NOL4: variants seen among roughly 807,000 people sequenced by gnomAD.
The protein encoded by NOL4 is nucleolar protein 4.
In NOL4, 17 loss-of-function variants were observed where a neutral mutation model predicts 75.9. The observed-to-expected ratio is 0.22, with a 90% CI of 0.15 to 0.34. The LOEUF is 0.34. NOL4 is among the 10% of genes least tolerant of loss of function. The pLI is 1.00. For missense variants in NOL4, 614 were observed against 793.5 expected (o/e 0.77, Z 2.72); for synonymous variants, 292 against 289.9 (o/e 1.01, Z -0.07).
intron 9 of NOL4, among the ~76,000 whole-genome samples, chr18:33,896,102 A>G (rs2065387999): frequency 6.6e-6 from 1 of 152,144 alleles, no homozygotes; most frequent in South Asian, 2.1e-4. Context: ...GAGGGAGGTG[A>G]AAAATCTCTA....
intron 1 of NOL4, among the ~76,000 whole-genome samples, chr18:34,202,373 T>C (rs1411516763): frequency 6.6e-6 from 1 of 151,964 alleles, no homozygotes; most frequent in Admixed American, 6.6e-5. Context: ...TAATCTATCA[T>C]TTTCACATCA....
intron 10 of NOL4, among the ~76,000 whole-genome samples, chr18:33,854,894 T>A (rs1226023284): frequency 6.6e-6 from 1 of 152,012 alleles, no homozygotes; most frequent in African/African-American, 2.4e-5. Flanking sequence ...CGGCAGTTTT[T>A]GAATTACACC....
chr18:34,024,194 A>AAAATATATATATATATAT, intron 5 of NOL4, among the ~76,000 whole-genome samples: 12 of 70,690 alleles, frequency 1.7e-4, no homozygotes, highest in Admixed American at 5.4e-4. Flanking sequence ...AAAAAAAAAA[A>AAAATATATATATATATAT]ATATATATAT....
chr18:34,033,828 TCC>T lies in NOL4; in HGVS notation c.773-14229_773-14228del, dbSNP rs146645973. The stretch of plus-strand genomic sequence containing the variant: ...CATGTAGTCACCTATAAAGGAACAC[TCC>T]ATTAGACTAATAGAATTCTCAGCAG... On this transcript the variant is annotated intron_variant, in intron 5 of 10. Transcript: ENST00000261592. Among the ~76,000 whole-genome samples, 542 of 151,934 alleles carry T rather than the reference TCC, an allele frequency of 3.6e-3. 3 individuals carry two copies. The highest frequency in any genetic ancestry group is 0.013 in the African/African-American group (523 of 41,446).
chr18:34,081,098 A>T (rs1428665420), intron 5 of NOL4, among the ~76,000 whole-genome samples: 1 of 152,200 alleles, frequency 6.6e-6, no homozygotes, highest in Non-Finnish European at 1.5e-5. Context: ...CAATTGTTAG[A>T]CAGAAAATAT....
rs546252782 is a variant in NOL4 at position 33,881,465 on chromosome 18, C to T, written c.1723+1779G>A. 6.6e-5 allele frequency among the ~76,000 whole-genome samples: 10 copies of T among 151,790 alleles called. No homozygotes were observed. In the East Asian group the frequency reaches 1.9e-3, roughly 30 times the overall value. ...TGCCAGTTTTCAAAGGGAATGCTTC[C>T]AGTTTTTGCCCATTCAGTATGATAT... On this transcript the variant is annotated intron_variant, in intron 10 of 10. Coordinates refer to ENST00000261592, the MANE Select transcript of NOL4 (RefSeq NM_003787.5).
In NOL4 at chr18:33,903,398, G is replaced by T. The variant is rs141393590; in HGVS notation, c.1543-19974C>A. On this transcript the variant is annotated intron_variant, in intron 9 of 10. Coordinates refer to ENST00000261592, the MANE Select transcript of NOL4 (RefSeq NM_003787.5). ...TTACAATTCAAGATGAAATTTGAGT[G>T]GGGACAGAGAACCAAACCATATCAA... 3.7e-3 allele frequency among the ~76,000 whole-genome samples: 559 copies of T among 152,248 alleles called. 4 individuals carry two copies. The highest frequency in any genetic ancestry group is 0.013 in the African/African-American group (535 of 41,552).
chr18:33,900,519 C>T (rs1048457808), intron 9 of NOL4, among the ~76,000 whole-genome samples: 5 of 152,062 alleles, frequency 3.3e-5, no homozygotes, highest in Non-Finnish European at 5.9e-5. Flanking sequence ...TATATAGCAC[C>T]AACTAATCTG....
intron 5 of NOL4, among the ~76,000 whole-genome samples, chr18:34,087,216 T>C (rs2078283153): frequency 6.6e-6 from 1 of 152,142 alleles, no homozygotes; most frequent in Non-Finnish European, 1.5e-5. Flanking sequence ...ATTCCCAATG[T>C]AGGAGTTTCA....
At chr18:34,053,179 A>G (rs1423906571) in intron 5 of NOL4, among the ~76,000 whole-genome samples, 4 of 152,092 alleles carry the variant, frequency 2.6e-5, no homozygotes, top group Non-Finnish European at 4.4e-5. Flanking sequence ...CAATGATGTA[A>G]GTAGTCAAGA....
intron 1 of NOL4, among the ~76,000 whole-genome samples, chr18:34,209,850 G>C (rs1313082800): frequency 6.6e-6 from 1 of 152,098 alleles, no homozygotes; most frequent in East Asian, 1.9e-4. Flanking sequence ...AGTATTTAAG[G>C]GTTCTCAGGC....
At chr18:34,096,204 A>T (rs1044725658) in intron 4 of NOL4, among the ~76,000 whole-genome samples, 23 of 152,046 alleles carry the variant, frequency 1.5e-4, no homozygotes, top group East Asian at 1.3e-3. Flanking sequence ...TTTTGTAATT[A>T]AAAAAACCAT....
At chr18:34,110,057 A>AAATT (rs946079013) in intron 2 of NOL4, among the ~76,000 whole-genome samples, 8 of 142,336 alleles carry the variant, frequency 5.6e-5, no homozygotes, top group Non-Finnish European at 1.5e-5. Context: ...CTTCACTGGT[A>AAATT]AATTCTACCA....
chr18:33,898,313 T>C (rs1010422987), intron 9 of NOL4, among the ~76,000 whole-genome samples: 1 of 152,186 alleles, frequency 6.6e-6, no homozygotes, highest in African/African-American at 2.4e-5. Context: ...ACATGGCAGA[T>C]ATGGTTTCAG....
chr18:34,188,390 G>T (rs1282536697), intron 1 of NOL4, among the ~76,000 whole-genome samples: 1 of 152,154 alleles, frequency 6.6e-6, no homozygotes, highest in Non-Finnish European at 1.5e-5. Flanking sequence ...ATATATTGCA[G>T]ATATTCCTCA....
At chr18:33,920,944 G>A (rs2145268156) in intron 9 of NOL4, among the ~76,000 whole-genome samples, 1 of 152,208 alleles carries the variant, frequency 6.6e-6, no homozygotes, top group East Asian at 1.9e-4. Context: ...CTGGCCAAGA[G>A]GAAGGTGCAG....
At chr18:34,197,420 C>T (rs949914671) in intron 1 of NOL4, among the ~76,000 whole-genome samples, 1 of 152,058 alleles carries the variant, frequency 6.6e-6, no homozygotes, top group African/African-American at 2.4e-5. Context: ...GATGTATAGG[C>T]TGATAATACC....
intron 5 of NOL4, among the ~76,000 whole-genome samples, chr18:34,034,293 T>C (rs2075780819): frequency 8.2e-6 from 1 of 121,414 alleles, no homozygotes. Context: ...TGAATGTAAA[T>C]GAATTAGATT....
chr18:33,884,835 T>C (rs933666055), intron 9 of NOL4, among the ~76,000 whole-genome samples: 29 of 152,268 alleles, frequency 1.9e-4, no homozygotes, highest in Admixed American at 1.8e-3. Flanking sequence ...AGTACTGTTG[T>C]ATTGAGAATA....
Sources: allele counts gnomAD v4.1 joint callset (sites outside exome capture counted in the v4.1 genomes callset), GRCh38; gene constraint gnomAD v4.1.1; transcripts MANE v1.5; gene names NCBI Gene and HGNC (gene_info 2026-07-23, HGNC 2026-07-21).